Variants in CDH13 observed in about 807,000 individuals in gnomAD.
CDH13 encodes cadherin-13.
In CDH13, 24 loss-of-function variants were observed where a neutral mutation model predicts 63.8. The observed-to-expected ratio is 0.38, with a 90% CI of 0.27 to 0.53. The LOEUF is 0.53. Ranked by LOEUF, CDH13 falls within the 20% of genes least tolerant of loss-of-function variation. The pLI is 0.85. For synonymous variants in CDH13, 503 were observed against 355.3 expected (o/e 1.42, Z -4.67); for missense variants, 1,049 against 903.1 (o/e 1.16, Z -2.07).
chr16:83,190,251 G>A (rs1306708807), intron 4 of CDH13, among the ~76,000 whole-genome samples: 1 of 152,224 alleles, frequency 6.6e-6, no homozygotes, highest in African/African-American at 2.4e-5. Context: ...ATGAGTGGAA[G>A]TGGGGGAATG....
In CDH13 at chr16:83,370,821, T is replaced by C. The variant is rs2091353175; in HGVS notation, c.781+25815T>C. Reference sequence around the variant, plus strand: ...ATGATCTTGTTCTTTTGTATAGCTGTGTAGTATTCCACATTATATATGTAC... The same window carrying C: ...ATGATCTTGTTCTTTTGTATAGCTGCGTAGTATTCCACATTATATATGTAC... On this transcript the variant is annotated intron_variant, in intron 6 of 13. Transcript: ENST00000567109. 2.6e-5 allele frequency among the ~76,000 whole-genome samples: 4 copies of C among 152,244 alleles called. No homozygotes were observed. The South Asian group carries it at 8.3e-4, about 32-fold the overall frequency.
chr16:83,644,253 T>C (rs536815251), intron 8 of CDH13, among the ~76,000 whole-genome samples: 1 of 152,310 alleles, frequency 6.6e-6, no homozygotes, highest in South Asian at 2.1e-4. Flanking sequence ...TGGTCCAATA[T>C]AACGGATTTC....
intron 5 of CDH13, among the ~76,000 whole-genome samples, chr16:83,320,292 C>G (rs548335095): frequency 6.6e-5 from 10 of 152,128 alleles, no homozygotes; most frequent in Admixed American, 5.2e-4. Context: ...GTGATCCTTC[C>G]AACTCGGCCT....
rs1462041 is a variant in CDH13, at chr16:82,691,128, T to C, written c.45+63991T>C. On this transcript the variant is annotated intron_variant, in intron 1 of 13. Coordinates refer to ENST00000567109, the MANE Select transcript of CDH13 (RefSeq NM_001257.5). ...AGGCGCTGCACTGGACTCAGAGATATAACAATCAGCCAAATGAACAAGTCT... is the reference window on the plus strand; with the variant it reads ...AGGCGCTGCACTGGACTCAGAGATACAACAATCAGCCAAATGAACAAGTCT... Among the ~76,000 whole-genome samples, 17 of 152,258 alleles carry C rather than the reference T, an allele frequency of 1.1e-4. No homozygotes were observed. In the East Asian group the frequency reaches 2.3e-3, roughly 21 times the overall value.
intron 1 of CDH13, among the ~76,000 whole-genome samples, chr16:82,643,997 G>A (rs1473748766): frequency 6.6e-6 from 1 of 152,144 alleles, no homozygotes; most frequent in Admixed American, 6.5e-5. Context: ...TGATCCTCCA[G>A]GAGTAGCTGG....
At chr16:82,998,596 T>A (rs1912509961) in intron 2 of CDH13, among the ~76,000 whole-genome samples, 1 of 152,164 alleles carries the variant, frequency 6.6e-6, no homozygotes. Context: ...CAATACCTCA[T>A]GCCACTCTCA....
chr16:83,296,273 T>C (rs936976639), intron 5 of CDH13, among the ~76,000 whole-genome samples: 23 of 152,224 alleles, frequency 1.5e-4, no homozygotes, highest in African/African-American at 4.8e-4. Flanking sequence ...AATTATACTT[T>C]CATTTTACAG....
intron 7 of CDH13, among the ~76,000 whole-genome samples, chr16:83,532,015 A>T (rs2075094194): frequency 6.6e-6 from 1 of 152,136 alleles, no homozygotes. Flanking sequence ...TCATGGGGGC[A>T]GGTCTTTCCT....
At chr16:83,480,552 G>C (rs1445719127) in intron 6 of CDH13, among the ~76,000 whole-genome samples, 2 of 152,188 alleles carry the variant, frequency 1.3e-5, no homozygotes, top group Non-Finnish European at 1.5e-5. Flanking sequence ...GGCCAGTTGA[G>C]TGAATGGCTG....
At chr16:83,552,363 G>A (rs1265189477) in intron 7 of CDH13, among the ~76,000 whole-genome samples, 1 of 152,214 alleles carries the variant, frequency 6.6e-6, no homozygotes, top group Non-Finnish European at 1.5e-5. Context: ...ATATGGGAAA[G>A]GAAATGCCAA....
chr16:83,174,073 C>T (rs75971564), intron 4 of CDH13, among the ~76,000 whole-genome samples: 1 of 145,450 alleles, frequency 6.9e-6, no homozygotes, highest in African/African-American at 2.7e-5. Context: ...AAACCCAAAT[C>T]TGATGCCTTG....
intron 10 of CDH13, among the ~76,000 whole-genome samples, chr16:83,686,695 A>G (rs189708568): frequency 6.6e-6 from 1 of 152,326 alleles, no homozygotes; most frequent in African/African-American, 2.4e-5. Context: ...ATGTGATAGG[A>G]AAAAAATGTA....
chr16:83,583,068 C>T (rs1905782185), intron 7 of CDH13, among the ~76,000 whole-genome samples: 1 of 152,118 alleles, frequency 6.6e-6, no homozygotes, highest in East Asian at 1.9e-4. Context: ...GGGAGGATCC[C>T]ATCTGCTTCT....
chr16:83,042,488 C>G (rs1567774237), intron 3 of CDH13, among the ~76,000 whole-genome samples: 1 of 151,990 alleles, frequency 6.6e-6, no homozygotes, highest in Non-Finnish European at 1.5e-5. Flanking sequence ...CTGAGGGCTC[C>G]CATGGATTCT....
intron 2 of CDH13, among the ~76,000 whole-genome samples, chr16:82,868,311 T>A (rs2040223128): frequency 6.6e-6 from 1 of 152,224 alleles, no homozygotes; most frequent in African/African-American, 2.4e-5. Context: ...AGAAATGTTA[T>A]GCTTTCACAG....
chr16:83,168,565 CTGATTA>C (rs2037786750), intron 4 of CDH13, among the ~76,000 whole-genome samples: 1 of 151,810 alleles, frequency 6.6e-6, no homozygotes, highest in African/African-American at 2.4e-5. Flanking sequence ...TTAACTTATT[CTGATTA>C]TAAAAGTAAT....
intron 6 of CDH13, among the ~76,000 whole-genome samples, chr16:83,473,511 C>T (rs2073518308): frequency 6.6e-6 from 1 of 152,156 alleles, no homozygotes; most frequent in South Asian, 2.1e-4. Flanking sequence ...GAACTTCAGC[C>T]AGGTCACTTA....
At chr16:83,004,942 A>G (rs1310224317) in intron 2 of CDH13, among the ~76,000 whole-genome samples, 1 of 152,188 alleles carries the variant, frequency 6.6e-6, no homozygotes, top group Non-Finnish European at 1.5e-5. Context: ...CTCCTGCACC[A>G]TAGCCAGGCT....
rs1233419552 is a variant in CDH13 at position 83,795,029 on chromosome 16, G to A, written c.2141G>A (p.Ter714=). The A allele has an allele frequency of 1.1e-5, 18 of 1,593,094 alleles. No individual in the cohort carries two copies. Among genetic ancestry groups the A allele is most frequent in the Non-Finnish European group, 1.5e-5 (18 of 1,169,448 alleles). The part of the protein sequence containing the change: ...LLSLFSLACL[*] ...CTGAACCCTCTCTATTCAGGTCTGT[G>A]AGAACTCCTGACGTCTGAAGCTTGA... The change falls in exon 14 of 14, where the codon TGA becomes TAA. Residue 714 remains the stop codon, a stop_retained_variant. Transcript: ENST00000567109.
Sources: gnomAD v4.1 joint callset for allele counts (sites outside exome capture counted in the v4.1 genomes callset) on GRCh38, gnomAD v4.1.1 for gene constraint, MANE v1.5 for transcripts, NCBI Gene and HGNC (gene_info 2026-07-23, HGNC 2026-07-21) for gene names.